The following FBXL13 variants were observed in gnomAD, a reference collection of about 807,000 sequenced individuals.
FBXL13 encodes F-box and leucine rich repeat protein 13.
Under a neutral mutation model 83.6 loss-of-function variants are expected in FBXL13, and 67 were observed. The observed-to-expected ratio is 0.80, with a 90% CI of 0.66 to 0.98. The LOEUF is 0.98. Ranked by LOEUF, FBXL13 falls within the 50% of genes least tolerant of loss-of-function variation. The probability of loss-of-function intolerance (pLI) is 0.00; values close to 1 mark genes in which losing one functional copy is unlikely to be tolerated. For missense variants in FBXL13, 822 were observed against 866.5 expected (o/e 0.95, Z 0.64); for synonymous variants, 272 against 299.5 (o/e 0.91, Z 0.95).
At chr7:102,885,961 T>C (rs559995554) in intron 11 of FBXL13, among the ~76,000 whole-genome samples, 1 of 152,208 alleles carries the variant, frequency 6.6e-6, no homozygotes, top group Non-Finnish European at 1.5e-5. Context: ...GGACTGTCAA[T>C]TCTACTCCAT....
intron 1 of FBXL13, among the ~76,000 whole-genome samples, chr7:103,063,712 CT>C (rs34739663): frequency 0.052 from 5,273 of 101,590 alleles, 107 homozygotes; most frequent in South Asian, 0.1. Flanking sequence ...CAAACTTAGG[CT>C]TTTTTTTTTT....
chr7:102,811,445 T>C (rs1222966399), downstream of FBXL13, among the ~76,000 whole-genome samples: 3 of 152,242 alleles, frequency 2.0e-5, no homozygotes, highest in East Asian at 5.8e-4. Context: ...GCTCACTTTT[T>C]CTACTCCTTT....
intron 1 of FBXL13, among the ~76,000 whole-genome samples, chr7:103,060,608 A>C (rs1422011426): frequency 6.6e-6 from 1 of 152,218 alleles, no homozygotes; most frequent in Non-Finnish European, 1.5e-5. Context: ...GCAAGATAGT[A>C]ACTATTATAA....
chr7:102,963,793 A>G (rs1825653443), intron 7 of FBXL13, 128 bp from the exon 9 acceptor site: 3 of 861,842 alleles, frequency 3.5e-6, no homozygotes, highest in African/African-American at 1.7e-5. Context: ...GAAACTATCA[A>G]TAGAGAAGAC....
intron 11 of FBXL13, among the ~76,000 whole-genome samples, chr7:102,889,640 C>G (rs1270059372): frequency 6.6e-6 from 1 of 151,982 alleles, no homozygotes; most frequent in Non-Finnish European, 1.5e-5. Flanking sequence ...CAATTCCCAC[C>G]TATGAGTGAG....
At chr7:102,908,900 C>A (rs1043716004) in intron 11 of FBXL13, among the ~76,000 whole-genome samples, 1 of 152,348 alleles carries the variant, frequency 6.6e-6, no homozygotes, top group South Asian at 2.1e-4. Context: ...CACTTCCTGG[C>A]TACTGCCATT....
At chr7:102,896,211 G>C (rs1333723045) in intron 11 of FBXL13, among the ~76,000 whole-genome samples, 1 of 152,240 alleles carries the variant, frequency 6.6e-6, no homozygotes, top group Non-Finnish European at 1.5e-5. Context: ...AAATGAATAA[G>C]AAGGCTTGCC....
chr7:102,929,894 A>G (rs1431494190), intron 9 of FBXL13, among the ~76,000 whole-genome samples: 1 of 152,044 alleles, frequency 6.6e-6, no homozygotes, highest in Non-Finnish European at 1.5e-5. Context: ...TTTAATCTCA[A>G]TATAAATATA....
chr7:103,030,597 C>T (rs1267753934), intron 2 of FBXL13, among the ~76,000 whole-genome samples: 1 of 152,008 alleles, frequency 6.6e-6, no homozygotes, highest in East Asian at 1.9e-4. Context: ...GATGATATTA[C>T]CTGAAAAGTC....
intron 16 of FBXL13, among the ~76,000 whole-genome samples, chr7:102,871,790 C>A (rs1453269205): frequency 2.6e-5 from 4 of 152,314 alleles, no homozygotes; most frequent in South Asian, 4.1e-4. Flanking sequence ...TAATCAATCA[C>A]CAAGTTCTTT....
chr7:102,848,024 T>G (rs1804341919), intron 17 of FBXL13, among the ~76,000 whole-genome samples: 1 of 152,176 alleles, frequency 6.6e-6, no homozygotes, highest in African/African-American at 2.4e-5. Flanking sequence ...ATACTAGACA[T>G]AGATGTACCT....
chr7:103,067,157 G>A (rs905041214), intron 1 of FBXL13, among the ~76,000 whole-genome samples: 2 of 151,988 alleles, frequency 1.3e-5, no homozygotes, highest in Non-Finnish European at 2.9e-5. Flanking sequence ...TTTGACAACT[G>A]AGGATTGAAT....
chr7:103,059,279 A>G (rs1797632473), intron 1 of FBXL13, among the ~76,000 whole-genome samples: 1 of 152,170 alleles, frequency 6.6e-6, no homozygotes, highest in Non-Finnish European at 1.5e-5. Flanking sequence ...CCTTGTCTCA[A>G]AAAATAATAA....
At chr7:103,024,383 C>T (rs978216753) in intron 6 of FBXL13, among the ~76,000 whole-genome samples, 3 of 151,744 alleles carry the variant, frequency 2.0e-5, no homozygotes, top group Non-Finnish European at 4.4e-5. Flanking sequence ...AAAAAATTAG[C>T]TGGGCGTAGT....
At chr7:102,986,918 T>TACACACACACAC (rs140052493) in intron 6 of FBXL13, among the ~76,000 whole-genome samples, 30 of 148,402 alleles carry the variant, frequency 2.0e-4, no homozygotes, top group East Asian at 5.9e-4. Context: ...GAAAATGTGA[T>TACACACACACAC]ACACACACAC....
At chr7:103,048,135 G>A (rs1796458803) in intron 2 of FBXL13, among the ~76,000 whole-genome samples, 1 of 152,056 alleles carries the variant, frequency 6.6e-6, no homozygotes, top group African/African-American at 2.4e-5. Context: ...GGATGCTTCA[G>A]GGGCCCTCTG....
intron 11 of FBXL13, among the ~76,000 whole-genome samples, chr7:102,889,153 C>A (rs1226671611): frequency 6.6e-6 from 1 of 152,142 alleles, no homozygotes; most frequent in Non-Finnish European, 1.5e-5. Flanking sequence ...TGTGGTGCAG[C>A]CCTCTTACTG....
At chr7:102,822,404 G>T in intron 18 of FBXL13, 1 of 683,710 alleles carries the variant, frequency 1.5e-6, no homozygotes, top group Non-Finnish European at 2.7e-6. Flanking sequence ...GTCTTGGGAA[G>T]TCCCTCCTTA....
At chr7:102,890,287 G>C (rs1219991618) in intron 11 of FBXL13, among the ~76,000 whole-genome samples, 1 of 152,160 alleles carries the variant, frequency 6.6e-6, no homozygotes, top group Non-Finnish European at 1.5e-5. Flanking sequence ...TGATATCTGT[G>C]CATTTTCTGT....
Sources: gnomAD v4.1 joint callset for allele counts (sites outside exome capture counted in the v4.1 genomes callset) on GRCh38, gnomAD v4.1.1 for gene constraint, MANE v1.5 for transcripts, NCBI Gene and HGNC (gene_info 2026-07-23, HGNC 2026-07-21) for gene names.